The following SRGAP3 variants were observed in gnomAD, a reference collection of about 807,000 sequenced individuals.
The protein encoded by SRGAP3 is SLIT-ROBO Rho GTPase activating protein 3.
In SRGAP3, 39 loss-of-function variants were observed where a neutral mutation model predicts 121.1. The ratio of observed to expected loss-of-function variants is 0.32; its 90% CI spans 0.25 to 0.42. SRGAP3 has a LOEUF of 0.42. Among genes scored for constraint, SRGAP3 ranks in the 10% least tolerant of loss-of-function variants. SRGAP3 has a pLI of 1.00. For synonymous variants in SRGAP3, 601 were observed against 570.0 expected (o/e 1.05, Z -0.77); for missense variants, 1,213 against 1,470.6 (o/e 0.82, Z 2.86).
At chr3:9,210,140 G>C (rs1196099062) in intron 1 of SRGAP3, among the ~76,000 whole-genome samples, 1 of 152,180 alleles carries the variant, frequency 6.6e-6, no homozygotes, top group Admixed American at 6.5e-5. Context: ...TGGTTGCCTA[G>C]AGATAAGGAT....
intron 21 of SRGAP3, among the ~76,000 whole-genome samples, chr3:8,989,999 C>CTG (rs1259125583): frequency 6.6e-6 from 1 of 152,084 alleles, no homozygotes; most frequent in African/African-American, 2.4e-5. Context: ...TATTTCACAA[C>CTG]TGTGTGTGTG....
intron 3 of SRGAP3, chr3:9,256,819 C>G (rs1954141957): frequency 1.0e-5 from 4 of 398,430 alleles, no homozygotes; most frequent in Non-Finnish European, 1.8e-5. Context: ...CTGGGAGAGT[C>G]TAAGTCGGTG....
intron 7 of SRGAP3, among the ~76,000 whole-genome samples, chr3:9,056,748 T>C (rs894369874): frequency 5.9e-5 from 9 of 152,166 alleles, no homozygotes; most frequent in African/African-American, 2.2e-4. Flanking sequence ...CGCACTCCCA[T>C]TGTGCCGCAG....
rs1382636843 is a variant in SRGAP3, at chr3:9,010,352, T to A, written c.2183A>T (p.Glu728Val). 1.2e-6 allele frequency: 2 copies of A among 1,614,076 alleles called. No individual in the cohort carries two copies. The highest frequency in any genetic ancestry group is 2.2e-5 in the South Asian group (2 of 91,068). Reference sequence around the variant, plus strand: ...CTCAGTGCCATTGTCATGGTCAACTTCATCGATGGCCCCTGGCTCGCTGTG... The same window carrying A: ...CTCAGTGCCATTGTCATGGTCAACTACATCGATGGCCCCTGGCTCGCTGTG... ...SPHSEPGAIDEVDHDNGTEPH... is the reference protein window; with the variant it reads ...SPHSEPGAIDVVDHDNGTEPH... Residue 728 changes from glutamate (E) to valine (V), a missense_variant, in exon 18 of 22, where the codon GAA becomes GTA. Glu to Val is a moderately radical substitution (Grantham distance 121). Coordinates refer to ENST00000383836, the MANE Select transcript of SRGAP3 (RefSeq NM_014850.4).
intron 1 of SRGAP3, among the ~76,000 whole-genome samples, chr3:9,211,665 CTTTTTTTT>C (rs1193329370): frequency 8.3e-6 from 1 of 121,148 alleles, no homozygotes; most frequent in African/African-American, 3.1e-5. Flanking sequence ...TCTTTCTTTT[CTTTTTTTT>C]TTTTTTTTTT....
chr3:9,334,467 T>C (rs1397080917), intron 1 of SRGAP3, among the ~76,000 whole-genome samples: 1 of 151,994 alleles, frequency 6.6e-6, no homozygotes, highest in Non-Finnish European at 1.5e-5. Flanking sequence ...GATTAACTAA[T>C]CCAACCAGGG....
intron 2 of SRGAP3, among the ~76,000 whole-genome samples, chr3:9,122,876 A>G (rs989624942): frequency 1.3e-5 from 2 of 152,224 alleles, no homozygotes; most frequent in African/African-American, 4.8e-5. Flanking sequence ...GTTTAAAGGC[A>G]GAGAGCTCCC....
intron 1 of SRGAP3, among the ~76,000 whole-genome samples, chr3:9,186,941 TC>T (rs1161134605): frequency 6.6e-6 from 1 of 152,182 alleles, no homozygotes; most frequent in Non-Finnish European, 1.5e-5. Context: ...TACTTTTCCT[TC>T]AGCAAAAAGT....
At chr3:9,321,017 A>G (rs1395395882) in intron 3 of SRGAP3, among the ~76,000 whole-genome samples, 11 of 151,924 alleles carry the variant, frequency 7.2e-5, no homozygotes, top group Non-Finnish European at 1.5e-4. Flanking sequence ...CTTCTAAAAA[A>G]TAGAACGTGG....
At chr3:9,255,074 G>C (rs111704505) in intron 3 of SRGAP3, among the ~76,000 whole-genome samples, 2 of 152,202 alleles carry the variant, frequency 1.3e-5, no homozygotes, top group African/African-American at 2.4e-5. Context: ...AGAGGTGACA[G>C]TTGTACAACA....
At chr3:9,010,274 A>G (rs755426952) in intron 18 of SRGAP3, 34 bp downstream of exon 18, 1 of 1,613,262 alleles carries the variant, frequency 6.2e-7, no homozygotes, top group East Asian at 2.2e-5. Flanking sequence ...GGCCCCAGGA[A>G]GAATCCCTTG....
intron 6 of SRGAP3, 185 bp downstream of exon 6, chr3:9,060,046 A>T: frequency 1.1e-6 from 1 of 919,622 alleles, no homozygotes; most frequent in Non-Finnish European, 1.7e-6. Context: ...GAAAATAGAC[A>T]CCACGAGGTA....
At chr3:9,191,956 G>C (rs139798712) in intron 1 of SRGAP3, among the ~76,000 whole-genome samples, 1 of 152,118 alleles carries the variant, frequency 6.6e-6, no homozygotes, top group East Asian at 1.9e-4. Context: ...CACCATGATC[G>C]TAAGTTTCCT....
At chr3:9,111,555 A>G (rs1166134882) in intron 2 of SRGAP3, among the ~76,000 whole-genome samples, 1 of 152,164 alleles carries the variant, frequency 6.6e-6, no homozygotes, top group East Asian at 1.9e-4. Flanking sequence ...GGTCTCACAC[A>G]CTCCATCCTG....
chr3:9,350,289 C>T (rs1329323999), intron 1 of SRGAP3, among the ~76,000 whole-genome samples: 1 of 152,194 alleles, frequency 6.6e-6, no homozygotes, highest in East Asian at 1.9e-4. Flanking sequence ...AGATGAAAAT[C>T]TCCTTCTTGG....
At chr3:9,341,070 G>C (rs1955780643) in intron 1 of SRGAP3, among the ~76,000 whole-genome samples, 1 of 152,184 alleles carries the variant, frequency 6.6e-6, no homozygotes, top group Admixed American at 6.5e-5. Context: ...AAGAGAGAAT[G>C]GGAATCTTCC....
At chr3:9,242,820 G>A (rs924767645) in intron 1 of SRGAP3, among the ~76,000 whole-genome samples, 3 of 152,118 alleles carry the variant, frequency 2.0e-5, no homozygotes, top group African/African-American at 4.8e-5. Flanking sequence ...GAGTAGCTGG[G>A]ATTACAGGCA....
At chr3:9,243,480 C>A (rs970301112) in intron 1 of SRGAP3, among the ~76,000 whole-genome samples, 3 of 151,926 alleles carry the variant, frequency 2.0e-5, no homozygotes, top group Non-Finnish European at 4.4e-5. Context: ...ACTGAAAATA[C>A]AAAAATTAGC....
intron 1 of SRGAP3, chr3:9,219,471 G>A (rs987315807): frequency 2.0e-5 from 3 of 152,276 alleles, no homozygotes; most frequent in African/African-American, 7.2e-5. Flanking sequence ...TTACAGATGA[G>A]GGGGCTTGAG....
Sources: allele counts gnomAD v4.1 joint callset (sites outside exome capture counted in the v4.1 genomes callset), GRCh38; gene constraint gnomAD v4.1.1; transcripts MANE v1.5; gene names NCBI Gene and HGNC (gene_info 2026-07-23, HGNC 2026-07-21).